The following MICU3 variants were observed in gnomAD, a reference collection of about 807,000 sequenced individuals.
MICU3 encodes mitochondrial calcium uptake 3.
MICU3 carries 62 observed loss-of-function variants against 66.5 expected under a neutral mutation model. That is an observed-to-expected ratio of 0.93 (90% CI 0.76 to 1.15). The LOEUF is 1.15. Ranked by LOEUF, MICU3 falls within the 50% of genes most tolerant of loss-of-function variation. MICU3 has a pLI of 0.00. For synonymous variants in MICU3, 308 were observed against 240.7 expected (o/e 1.28, Z -2.59); for missense variants, 779 against 664.4 (o/e 1.17, Z -1.90).
chr8:17,041,779 C>G (rs1272215166), intron 1 of MICU3, among the ~76,000 whole-genome samples: 2 of 152,072 alleles, frequency 1.3e-5, no homozygotes, highest in African/African-American at 2.4e-5. Context: ...TCCATTATGA[C>G]AGGAGGATGG....
chr8:17,101,750 C>A (rs1465871504), intron 9 of MICU3, among the ~76,000 whole-genome samples: 1 of 151,602 alleles, frequency 6.6e-6, no homozygotes, highest in Non-Finnish European at 1.5e-5. Flanking sequence ...GCTTTTTTTC[C>A]AGATGTATAT....
intron 1 of MICU3, among the ~76,000 whole-genome samples, chr8:17,037,471 A>G (rs1161831766): frequency 6.6e-6 from 1 of 152,220 alleles, no homozygotes; most frequent in South Asian, 2.1e-4. Flanking sequence ...CCATTGCTTC[A>G]GAAGGTGCAA....
At chr8:17,096,919 A>C (rs1021535654) in intron 8 of MICU3, among the ~76,000 whole-genome samples, 1 of 151,192 alleles carries the variant, frequency 6.6e-6, no homozygotes, top group Non-Finnish European at 1.5e-5. Flanking sequence ...ATGGTTGGTT[A>C]AACTAATTTT....
At chr8:17,038,543 C>CTAA (rs1260031518) in intron 1 of MICU3, among the ~76,000 whole-genome samples, 1 of 152,132 alleles carries the variant, frequency 6.6e-6, no homozygotes, top group African/African-American at 2.4e-5. Context: ...TGAGAACAGA[C>CTAA]TAATACACAA....
At chr8:17,034,947 C>A (rs1465370371) in intron 1 of MICU3, among the ~76,000 whole-genome samples, 1 of 152,158 alleles carries the variant, frequency 6.6e-6, no homozygotes, top group African/African-American at 2.4e-5. Flanking sequence ...CCAAGTCATA[C>A]CTTGAAGTGT....
chr8:17,033,048 C>T (rs1289735782), intron 1 of MICU3, among the ~76,000 whole-genome samples: 2 of 152,142 alleles, frequency 1.3e-5, no homozygotes, highest in Non-Finnish European at 2.9e-5. Context: ...TCCCTCTTCT[C>T]GGGCCTCCCT....
chr8:17,114,288 A>G (rs562325239), intron 12 of MICU3, 87 bp downstream of exon 12: 1 of 758,608 alleles, frequency 1.3e-6, no homozygotes, highest in Non-Finnish European at 2.2e-6. Flanking sequence ...TAAATATGAC[A>G]TATCACCCAT....
the MICU3 span, among the ~76,000 whole-genome samples, chr8:17,137,874 G>A: frequency 4.0e-5 from 6 of 151,454 alleles, no homozygotes; most frequent in African/African-American, 7.3e-5. Context: ...GCACCACCAC[G>A]CCCAGCTAAA....
the MICU3 span, among the ~76,000 whole-genome samples, chr8:17,137,538 A>AGG: frequency 6.5e-5 from 9 of 139,268 alleles, no homozygotes; most frequent in African/African-American, 1.5e-4. Flanking sequence ...AAAAAAAAAA[A>AGG]GGGGGCCCTG....
chr8:17,086,817 A>G, intron 6 of MICU3, 147 bp from the exon 7 acceptor site: 1 of 602,708 alleles, frequency 1.7e-6, no homozygotes, highest in Non-Finnish European at 2.9e-6. Flanking sequence ...AAAAAACTGA[A>G]ATCAGAAAAT....
At chr8:17,053,562 A>G (rs1816446353) in intron 1 of MICU3, among the ~76,000 whole-genome samples, 1 of 152,194 alleles carries the variant, frequency 6.6e-6, no homozygotes, top group Admixed American at 6.5e-5. Context: ...GTATTGACAC[A>G]ATATTTTTAT....
In MICU3 at chr8:17,090,537, C is replaced by T; in HGVS notation, c.850-9C>T. The T allele has an allele frequency of 6.2e-7, 1 of 1,610,056 alleles. No homozygotes were observed. Among genetic ancestry groups the T allele is most frequent in the Non-Finnish European group, 8.5e-7 (1 of 1,177,962 alleles). ...GACACTTCATTTGGCCCTTTGTGCT[C>T]TATGTCAGCGTCTTCAACTTTATGG... On this transcript the variant is annotated splice_polypyrimidine_tract_variant and intron_variant, in intron 7 of 14. Coordinates refer to ENST00000318063, the MANE Select transcript of MICU3 (RefSeq NM_181723.3).
chr8:17,083,841 C>T (rs1047499837), intron 5 of MICU3, among the ~76,000 whole-genome samples: 1 of 151,852 alleles, frequency 6.6e-6, no homozygotes, highest in African/African-American at 2.4e-5. Flanking sequence ...ATGATGGATC[C>T]GATATTAGAA....
chr8:17,047,667 A>C (rs1452158411), intron 1 of MICU3, among the ~76,000 whole-genome samples: 1 of 152,242 alleles, frequency 6.6e-6, no homozygotes, highest in African/African-American at 2.4e-5. Context: ...ACAGTGGGCT[A>C]TATCTTCAAA....
intron 4 of MICU3, among the ~76,000 whole-genome samples, chr8:17,080,881 A>C (rs1821085515): frequency 6.6e-6 from 1 of 152,226 alleles, no homozygotes; most frequent in Middle Eastern, 3.4e-3. Flanking sequence ...CCCTTTTACC[A>C]AGCGTCAGAA....
intron 1 of MICU3, among the ~76,000 whole-genome samples, chr8:17,057,377 C>G (rs1190370272): frequency 6.6e-6 from 1 of 152,124 alleles, no homozygotes; most frequent in African/African-American, 2.4e-5. Flanking sequence ...AGGCGACACC[C>G]TGATCTCTGG....
chr8:17,094,518 C>G (rs183118370), intron 8 of MICU3, among the ~76,000 whole-genome samples: 120 of 152,116 alleles, frequency 7.9e-4, no homozygotes, highest in African/African-American at 2.8e-3. Flanking sequence ...TCTTTAATGT[C>G]TAGCTTACTA....
chr8:17,109,999 A>T (rs933754707), intron 11 of MICU3, among the ~76,000 whole-genome samples: 1 of 152,198 alleles, frequency 6.6e-6, no homozygotes, highest in Non-Finnish European at 1.5e-5. Context: ...AAACTCACTT[A>T]TATTTCTAAA....
chr8:17,102,629 A>G (rs985565778), intron 9 of MICU3: 1 of 152,078 alleles, frequency 6.6e-6, no homozygotes, highest in Non-Finnish European at 1.5e-5. Context: ...TACTCCAATT[A>G]TACTAGTCTC....
Sources: gnomAD v4.1 joint callset for allele counts (sites outside exome capture counted in the v4.1 genomes callset) on GRCh38, gnomAD v4.1.1 for gene constraint, MANE v1.5 for transcripts, NCBI Gene and HGNC (gene_info 2026-07-23, HGNC 2026-07-21) for gene names.